The following TRAPPC8 variants were observed in gnomAD, a reference collection of about 807,000 sequenced individuals.
TRAPPC8 encodes the protein trafficking protein particle complex subunit 8.
A neutral mutation model predicts 174.3 loss-of-function variants in TRAPPC8; 54 were observed. The ratio of observed to expected loss-of-function variants is 0.31; its 90% confidence interval spans 0.25 to 0.39. The LOEUF (loss-of-function observed/expected upper bound fraction) is 0.39, where lower values mean the gene tolerates loss of function less well. Ranked by LOEUF, TRAPPC8 falls within the 10% of genes least tolerant of loss-of-function variation. The pLI, the probability that TRAPPC8 is intolerant of heterozygous loss-of-function variation, is 1.00. For synonymous variants in TRAPPC8, 630 were observed against 579.9 expected (o/e 1.09, Z -1.24); for missense variants, 1,531 against 1,699.1 (o/e 0.90, Z 1.74).
intron 12 of TRAPPC8, among the ~76,000 whole-genome samples, chr18:31,880,107 ATATATATATATATAT>A (rs1568082836): frequency 4.3e-5 from 4 of 92,590 alleles, no homozygotes; most frequent in African/African-American, 1.8e-4. Flanking sequence ...ATATATATAT[ATATATATATATATAT>A]TTTTTTTTTT....
Position 31,889,346 on chromosome 18 carries a change from T to C in TRAPPC8, c.1728+1389A>G, listed in dbSNP as rs377524863. ...TGGGAAGGCAGATACAAGCAGCTGT[T>C]TCTAGTTCCAATGACATTACCATTC... On this transcript the variant is annotated intron_variant, in intron 12 of 28. Coordinates refer to ENST00000283351, the MANE Select transcript of TRAPPC8 (RefSeq NM_014939.5). 4.6e-5 allele frequency among the ~76,000 whole-genome samples: 7 copies of C among 152,366 alleles called. No individual in the cohort carries two copies. The South Asian group carries it at 6.2e-4, about 14-fold the overall frequency.
intron 19 of TRAPPC8, among the ~76,000 whole-genome samples, chr18:31,860,809 CT>C (rs1385791460): frequency 6.6e-6 from 1 of 152,174 alleles, no homozygotes; most frequent in Non-Finnish European, 1.5e-5. Context: ...ACATCAGTGG[CT>C]TTAGGCTTTC....
At chr18:31,924,986 A>G (rs979326960) in intron 2 of TRAPPC8, among the ~76,000 whole-genome samples, 1 of 152,156 alleles carries the variant, frequency 6.6e-6, no homozygotes, top group African/African-American at 2.4e-5. Context: ...CAGAGAGCAG[A>G]TTTCAGAATC....
chr18:31,925,754 G>C (rs1450154386), intron 2 of TRAPPC8, among the ~76,000 whole-genome samples: 1 of 152,140 alleles, frequency 6.6e-6, no homozygotes, highest in African/African-American at 2.4e-5. Flanking sequence ...TGGAGGGCTG[G>C]GGGTAATACA....
At chr18:31,902,386 C>G (rs958410892) in intron 9 of TRAPPC8, among the ~76,000 whole-genome samples, 1 of 152,116 alleles carries the variant, frequency 6.6e-6, no homozygotes, top group Non-Finnish European at 1.5e-5. Context: ...TACACTGGTC[C>G]GAGCAACCTC....
In TRAPPC8 at chr18:31,829,653, T is replaced by C. The variant is rs909276836; in HGVS notation, c.*1102A>G. 6.6e-6 allele frequency: 1 copy of C among 152,218 alleles called. No homozygotes were observed. The highest frequency in any genetic ancestry group is 1.5e-5 in the Non-Finnish European group (1 of 68,038). The allele number at this position is 152,218 out of a possible 1,614,324, so 9.4% of individuals were successfully genotyped here. A position where few individuals can be genotyped will look rare whatever the true frequency, so the allele number is the denominator to read the frequency against. ...CCACTTTGGTGCAGTCTGCTCCGATTAGTGCCGAGATTGAGACTGGAACAA... is the reference window on the plus strand; with the variant it reads ...CCACTTTGGTGCAGTCTGCTCCGATCAGTGCCGAGATTGAGACTGGAACAA... On this transcript the variant is annotated 3_prime_UTR_variant, in exon 29 of 29. Coordinates refer to ENST00000283351, the MANE Select transcript of TRAPPC8 (RefSeq NM_014939.5).
intron 24 of TRAPPC8, among the ~76,000 whole-genome samples, chr18:31,850,986 A>T (rs1348923771): frequency 6.6e-6 from 1 of 152,250 alleles, no homozygotes; most frequent in Non-Finnish European, 1.5e-5. Context: ...AAAGTAATGC[A>T]TATTTTGAAA....
chr18:31,832,309 A>C, intron 27 of TRAPPC8, 136 bp from the exon 28 acceptor site: 1 of 349,968 alleles, frequency 2.9e-6, no homozygotes, highest in Non-Finnish European at 5.0e-6. Flanking sequence ...GAAAAAGCTC[A>C]AGTTCCAAAA....
rs573738673 is a variant in TRAPPC8, at chr18:31,855,082, A to AT, written c.3336+577dup. 8.1e-3 allele frequency among the ~76,000 whole-genome samples: 1,224 copies of AT among 151,418 alleles called. 15 individuals are homozygous for AT. The highest frequency in any genetic ancestry group is 0.028 in the African/African-American group (1,145 of 41,198). ...CCAGGCATGGTGGCATGTGCCTGTA[A>AT]TCCCAGCTACTTGGGAGGCTGAGGC... On this transcript the variant is annotated intron_variant, in intron 21 of 28. Coordinates refer to ENST00000283351, the MANE Select transcript of TRAPPC8 (RefSeq NM_014939.5).
At position 31,852,581 on chromosome 18, in the gene TRAPPC8, TA is replaced by T; in HGVS notation, c.3502+13del. ...ATGACCATTTAGTAAAGTGTAAAAG[TA>T]AAGTGAATTTACCTTCTTCTTTCTC... On this transcript the variant is annotated intron_variant, in intron 23 of 28. Coordinates refer to ENST00000283351, the MANE Select transcript of TRAPPC8 (RefSeq NM_014939.5). 1.2e-6 allele frequency: 2 copies of T among 1,613,938 alleles called. No individual in the cohort carries two copies. Among genetic ancestry groups the T allele is most frequent in the Non-Finnish European group, 1.7e-6 (2 of 1,179,872 alleles).
chr18:31,852,602 T>G lies in TRAPPC8; in HGVS notation c.3495A>C (p.Lys1165Asn). Reference sequence around the variant, plus strand: ...AAAGTAAAGTGAATTTACCTTCTTCTTTCTCACATCTTATTGCCTTAAAGC... The same window carrying G: ...AAAGTAAAGTGAATTTACCTTCTTCGTTCTCACATCTTATTGCCTTAAAGC... Reference protein sequence around the residue: ...KFCFKAIRCEKEEAATQSSEK... With the variant: ...KFCFKAIRCENEEAATQSSEK... The change falls in exon 23 of 29, where the codon AAA becomes AAC. Residue 1165 changes from lysine to asparagine, a missense_variant. Coordinates refer to ENST00000283351, the MANE Select transcript of TRAPPC8 (RefSeq NM_014939.5). 2 of 1,614,078 alleles carry G rather than the reference T, an allele frequency of 1.2e-6. No individual in the cohort carries two copies. The highest frequency in any genetic ancestry group is 1.7e-6 in the Non-Finnish European group (2 of 1,179,988).
intron 26 of TRAPPC8, among the ~76,000 whole-genome samples, chr18:31,841,103 CAT>C (rs2033071706): frequency 6.6e-6 from 1 of 151,826 alleles, no homozygotes; most frequent in Non-Finnish European, 1.5e-5. Context: ...CCAAAAATAT[CAT>C]ATAGTCAAAT....
intron 1 of TRAPPC8, among the ~76,000 whole-genome samples, chr18:31,938,797 T>A (rs1220878272): frequency 6.6e-6 from 1 of 152,166 alleles, no homozygotes; most frequent in Non-Finnish European, 1.5e-5. Context: ...AAAGAAAAGC[T>A]GTTGCCTAGC....
chr18:31,920,738 G>A (rs1346853364), intron 2 of TRAPPC8, among the ~76,000 whole-genome samples: 2 of 151,768 alleles, frequency 1.3e-5, no homozygotes, highest in African/African-American at 2.4e-5. Flanking sequence ...TCAGGAGTTC[G>A]AAATCAGCCT....
Position 31,934,580 on chromosome 18 carries a change from C to T in TRAPPC8, c.158-3057G>A, listed in dbSNP as rs1487610168. On this transcript the variant is annotated intron_variant, in intron 1 of 28. Coordinates refer to ENST00000283351, the MANE Select transcript of TRAPPC8 (RefSeq NM_014939.5). ...TGGACAAGTATTTTCCTTAAAGTTG[C>T]TTCATAGCTGGGCGCAGTGGCTCAC... Among the ~76,000 whole-genome samples, 5 of 152,212 alleles carry T rather than the reference C, an allele frequency of 3.3e-5. No homozygotes were observed. The East Asian group carries it at 9.6e-4, about 29-fold the overall frequency.
intron 9 of TRAPPC8, among the ~76,000 whole-genome samples, chr18:31,906,411 C>T (rs1217471364): frequency 6.6e-6 from 1 of 151,212 alleles, no homozygotes; most frequent in Non-Finnish European, 1.5e-5. Flanking sequence ...TTTTAAGTTA[C>T]ATATTTTATA....
At position 31,942,798 on chromosome 18, in the gene TRAPPC8, C is replaced by T. The variant is rs1286175223; in HGVS notation, c.-34G>A. 1 of 1,358,438 alleles carries T rather than the reference C, an allele frequency of 7.4e-7. No homozygotes were observed. The highest frequency in any genetic ancestry group is 3.4e-5 in the Admixed American group (1 of 29,838). 84.1% of individuals were successfully genotyped at this position (1,358,438 alleles called of 1,614,324 possible). On this transcript the variant is annotated 5_prime_UTR_variant, in exon 1 of 29. Transcript: ENST00000283351. ...CACAGGCAGCGGCGGCGCCCGCCCT[C>T]CGGCCCACCCTGCGAGGTTATCCTG...
chr18:31,876,514 AT>A (rs1598650306), intron 12 of TRAPPC8, among the ~76,000 whole-genome samples: 1 of 147,968 alleles, frequency 6.8e-6, no homozygotes, highest in African/African-American at 2.5e-5. Context: ...AAAAAAAAAG[AT>A]CACTTACTAG....
At chr18:31,836,754 C>G (rs1257498853) in intron 27 of TRAPPC8, among the ~76,000 whole-genome samples, 1 of 139,110 alleles carries the variant, frequency 7.2e-6, no homozygotes, top group East Asian at 2.1e-4. Flanking sequence ...AAGCATCTTT[C>G]AGTCTTTTTT....
Sources: gnomAD v4.1 joint callset for allele counts (sites outside exome capture counted in the v4.1 genomes callset) on GRCh38, gnomAD v4.1.1 for gene constraint, MANE v1.5 for transcripts, NCBI Gene and HGNC (gene_info 2026-07-23, HGNC 2026-07-21) for gene names.